TSPAN18: variants seen among roughly 807,000 people sequenced by gnomAD.
The protein encoded by TSPAN18 is tetraspanin-18.
In TSPAN18, 14 loss-of-function variants were observed where a neutral mutation model predicts 27.3. The observed-to-expected ratio is 0.51, with a 90% CI of 0.34 to 0.80. TSPAN18 has a LOEUF of 0.80. Among genes scored for constraint, TSPAN18 ranks in the 30% least tolerant of loss-of-function variants. The pLI is 0.01. For synonymous variants in TSPAN18, 143 were observed against 136.5 expected (o/e 1.05, Z -0.33); for missense variants, 268 against 323.9 (o/e 0.83, Z 1.32).
At chr11:44,832,578 G>A (rs2135146832) in intron 2 of TSPAN18, among the ~76,000 whole-genome samples, 2 of 152,304 alleles carry the variant, frequency 1.3e-5, no homozygotes, top group South Asian at 4.1e-4. Context: ...CCCGGAACAA[G>A]CCAGTCATAT....
rs146736540 is a variant in TSPAN18 at position 44,864,732 on chromosome 11, G to A, written c.-11+4263G>A. Among the ~76,000 whole-genome samples the A allele has an allele frequency of 2.5e-3, 375 of 152,356 alleles. 2 individuals are homozygous for A. The highest frequency in any genetic ancestry group is 8.4e-3 in the African/African-American group (349 of 41,582). ...CACGGGGAAGATGGGCTTGCCCTGG[G>A]TGCCAATGGCAAGGTCCTGTTTCAT... On this transcript the variant is annotated intron_variant, in intron 3 of 9. Transcript: ENST00000520358.
rs191225551 is a variant in TSPAN18, at chr11:44,884,463, C to T, written c.-10-21944C>T. 3.9e-3 allele frequency among the ~76,000 whole-genome samples: 591 copies of T among 152,306 alleles called. 2 individuals are homozygous for T. Among genetic ancestry groups the T allele is most frequent in the African/African-American group, 0.013 (522 of 41,550 alleles). On this transcript the variant is annotated intron_variant, in intron 3 of 9. Coordinates refer to ENST00000520358, the MANE Select transcript of TSPAN18 (RefSeq NM_130783.5). ...GGCAGCAGCGTCAGGCCCCTGGCCT[C>T]GATGGGCGATCAGCTCGACTTCCTC...
At chr11:44,808,021 G>A (rs1856638150) in intron 2 of TSPAN18, among the ~76,000 whole-genome samples, 1 of 152,188 alleles carries the variant, frequency 6.6e-6, no homozygotes, top group African/African-American at 2.4e-5. Context: ...GGTCTCAGGA[G>A]GTAGCACTTG....
chr11:44,783,947 T>G (rs1855998500), intron 2 of TSPAN18, among the ~76,000 whole-genome samples: 1 of 152,176 alleles, frequency 6.6e-6, no homozygotes, highest in Non-Finnish European at 1.5e-5. Flanking sequence ...CTTCAATGTT[T>G]CTTCCAAAGG....
At chr11:44,917,805 C>T (rs2135361068) in intron 5 of TSPAN18, 167 bp from the exon 6 acceptor site, 1 of 615,950 alleles carries the variant, frequency 1.6e-6, no homozygotes. Flanking sequence ...AAGGAGGAAT[C>T]ACTGGTGTGT....
chr11:44,829,709 A>G (rs1304432628), intron 2 of TSPAN18, among the ~76,000 whole-genome samples: 1 of 152,092 alleles, frequency 6.6e-6, no homozygotes, highest in Admixed American at 6.6e-5. Flanking sequence ...AAGGAGTACA[A>G]TTTTTGGATT....
At chr11:44,841,235 G>C (rs751954883) in intron 2 of TSPAN18, among the ~76,000 whole-genome samples, 1 of 152,196 alleles carries the variant, frequency 6.6e-6, no homozygotes, top group Non-Finnish European at 1.5e-5. Context: ...GACTGCATGT[G>C]GCCAGGCGTG....
rs10659284 is a variant in TSPAN18, at chr11:44,922,117, A to ATTTTTTT, written c.615+2129_615+2135dup. Among the ~76,000 whole-genome samples the ATTTTTTT allele has an allele frequency of 2.1e-4, 28 of 131,374 alleles. 3 individuals are homozygous for ATTTTTTT. Among genetic ancestry groups the ATTTTTTT allele is most frequent in the African/African-American group, 8.0e-4 (28 of 34,956 alleles). 86.2% of individuals were successfully genotyped at this position (131,374 alleles called of 152,430 possible). Reference sequence around the variant, plus strand: ...CCCTCTTGCTTAAAGCCCAGGATGCATTTTTTTTTTTTTTTTTGAGACTGA... The same window carrying ATTTTTTT: ...CCCTCTTGCTTAAAGCCCAGGATGCATTTTTTTTTTTTTTTTTTTTTTTTGAGACTGA... On this transcript the variant is annotated intron_variant, in intron 8 of 9. Coordinates refer to ENST00000520358, the MANE Select transcript of TSPAN18 (RefSeq NM_130783.5).
At chr11:44,853,296 T>G (rs751412336) in intron 2 of TSPAN18, among the ~76,000 whole-genome samples, 1 of 149,820 alleles carries the variant, frequency 6.7e-6, no homozygotes, top group South Asian at 2.1e-4. Flanking sequence ...GTCCATGGAG[T>G]GGGTGGGGAG....
Position 44,919,410 on chromosome 11 carries a change from C to T in TSPAN18, c.432+98C>T, listed in dbSNP as rs185485707. ...ATCAGTAATCAATCCAGGCACTCTC[C>T]CATTGATCACAGACCTGGCCTTGGA... On this transcript the variant is annotated intron_variant, in intron 7 of 9. Coordinates refer to ENST00000520358, the MANE Select transcript of TSPAN18 (RefSeq NM_130783.5). The T allele has an allele frequency of 8.4e-5, 88 of 1,044,162 alleles. No individual in the cohort carries two copies. The Admixed American group carries it at 1.6e-3, about 18-fold the overall frequency. The allele number at this position is 1,044,162 out of a possible 1,614,324, so 64.7% of individuals were successfully genotyped here.
chr11:44,887,162 C>T (rs535882309), intron 3 of TSPAN18, among the ~76,000 whole-genome samples: 2 of 152,358 alleles, frequency 1.3e-5, no homozygotes, highest in East Asian at 1.9e-4. Context: ...GCTCTGGAAT[C>T]GACTGCTGAG....
At chr11:44,923,556 C>T (rs555190092) in intron 8 of TSPAN18, among the ~76,000 whole-genome samples, 3 of 152,284 alleles carry the variant, frequency 2.0e-5, no homozygotes, top group Admixed American at 6.5e-5. Flanking sequence ...AGAACCCAGC[C>T]GCTCATGCCA....
chr11:44,806,236 T>C (rs1409682718), intron 2 of TSPAN18, among the ~76,000 whole-genome samples: 1 of 152,076 alleles, frequency 6.6e-6, no homozygotes, highest in African/African-American at 2.4e-5. Context: ...GGTTTTGCCA[T>C]GTTGGCCAGG....
At chr11:44,770,456 C>CA (rs1419119172) in intron 2 of TSPAN18, among the ~76,000 whole-genome samples, 1 of 151,988 alleles carries the variant, frequency 6.6e-6, no homozygotes, top group African/African-American at 2.4e-5. Flanking sequence ...GGCTGGCTGG[C>CA]ATGTTGGAGG....
At chr11:44,897,358 ACT>A (rs1206864387) in intron 3 of TSPAN18, among the ~76,000 whole-genome samples, 1 of 151,814 alleles carries the variant, frequency 6.6e-6, no homozygotes, top group East Asian at 1.9e-4. Flanking sequence ...CCCTGCTGGC[ACT>A]CTCTCTGCTG....
intron 2 of TSPAN18, among the ~76,000 whole-genome samples, chr11:44,811,175 C>CACACACACACAG (rs1554986590): frequency 4.7e-5 from 7 of 149,426 alleles, no homozygotes; most frequent in African/African-American, 1.7e-4. Flanking sequence ...CACACACACA[C>CACACACACACAG]CCCTGCCTGT....
chr11:44,891,208 A>G (rs1297262589), intron 3 of TSPAN18, among the ~76,000 whole-genome samples: 3 of 151,998 alleles, frequency 2.0e-5, no homozygotes, highest in African/African-American at 7.3e-5. Context: ...TTCAATATAA[A>G]TGGTTTCCTT....
At position 44,772,314 on chromosome 11, in the gene TSPAN18, CAAT is replaced by C. The variant is rs1034044580; in HGVS notation, c.-153+7809_-153+7811del. On this transcript the variant is annotated intron_variant, in intron 2 of 9. Coordinates refer to ENST00000520358, the MANE Select transcript of TSPAN18 (RefSeq NM_130783.5). ...TTCCTCTATACAACAAAATTATTTT[CAAT>C]AATAATGATGAAATAAAATCAATTA... is the stretch of plus-strand genomic sequence containing the variant. Among the ~76,000 whole-genome samples the C allele has an allele frequency of 7.7e-4, 117 of 152,024 alleles. 1 individual carries two copies. Among genetic ancestry groups the C allele is most frequent in the African/African-American group, 2.7e-3 (113 of 41,448 alleles).
chr11:44,888,692 C>A lies in TSPAN18; in HGVS notation c.-10-17715C>A, dbSNP rs78983163. Among the ~76,000 whole-genome samples, 583 of 152,274 alleles carry A rather than the reference C, an allele frequency of 3.8e-3. 4 individuals carry two copies. The highest frequency in any genetic ancestry group is 0.014 in the African/African-American group (563 of 41,526). The stretch of plus-strand genomic sequence containing the variant: ...TCAGCTCTGATTTTGCTATGAGCCT[C>A]TTGGCCAGTCCCCTCCCCTCTGGAC... On this transcript the variant is annotated intron_variant, in intron 3 of 9. Coordinates refer to ENST00000520358, the MANE Select transcript of TSPAN18 (RefSeq NM_130783.5).
Sources: allele counts gnomAD v4.1 joint callset (sites outside exome capture counted in the v4.1 genomes callset), GRCh38; gene constraint gnomAD v4.1.1; transcripts MANE v1.5; gene names NCBI Gene and HGNC (gene_info 2026-07-23, HGNC 2026-07-21).